The following FBRS variants were observed in gnomAD, a reference collection of about 807,000 sequenced individuals.
FBRS encodes the protein fibrosin, also known as probable fibrosin-1.
A neutral mutation model predicts 86.1 loss-of-function variants in FBRS; 15 were observed. The ratio of observed to expected loss-of-function variants is 0.17; its 90% CI spans 0.12 to 0.27. The LOEUF (loss-of-function observed/expected upper bound fraction) is 0.27. FBRS is among the 10% of genes least tolerant of loss of function. The pLI is 1.00. For synonymous variants in FBRS, 666 were observed against 575.8 expected (o/e 1.16, Z -2.24); for missense variants, 1,367 against 1,301.6 (o/e 1.05, Z -0.77).
chr16:30,659,153 CT>C lies in FBRS; in HGVS notation c.-364del, dbSNP rs1252898301. ...TGGCCCTTCCTCTTCCTCGGGGAGA[CT>C]TGCATCGACCCCTGGCAGGGGGTGG... On this transcript the variant is annotated 5_prime_UTR_variant, in exon 1 of 18. Transcript: ENST00000356166. The C allele has an allele frequency of 1.3e-5, 2 of 152,756 alleles. No homozygotes were observed. Among genetic ancestry groups the C allele is most frequent in the East Asian group, 3.8e-4 (2 of 5,216 alleles). 9.5% of individuals were successfully genotyped at this position (152,756 alleles called of 1,614,324 possible).
chr16:30,662,965 A>ACTTTTT, intron 6 of FBRS, 106 bp downstream of exon 6: 3 of 1,320,846 alleles, frequency 2.3e-6, no homozygotes, highest in Non-Finnish European at 2.9e-6. Context: ...GGATTCTGAG[A>ACTTTTT]CTGAAAAGTT....
intron 1 of FBRS, 29 bp from the exon 2 acceptor site, chr16:30,660,234 C>T: frequency 4.5e-6 from 6 of 1,335,200 alleles, no homozygotes; most frequent in South Asian, 2.1e-5. Context: ...CCTTTTCCAT[C>T]TATCTCAGCC....
Position 30,668,933 on chromosome 16 carries a change from C to A in FBRS, c.2320C>A (p.Pro774Thr), listed in dbSNP as rs770165391. The change falls in exon 17 of 18, where the codon CCT becomes ACT. Residue 774 changes from proline to threonine, a missense_variant. Coordinates refer to ENST00000356166, the MANE Select transcript of FBRS (RefSeq NM_001105079.3). ...GACTCCAGGCTCAGACAAGGAGCGG[C>A]CTGTGGAGCGGAGGGAGCCCTCCAT... ...ARTPGSDKERPVERREPSITK... is the reference protein window; with the variant it reads ...ARTPGSDKERTVERREPSITK... 6.3e-7 allele frequency: 1 copy of A among 1,590,546 alleles called. No individual in the cohort carries two copies. The highest frequency in any genetic ancestry group is 8.5e-7 in the Non-Finnish European group (1 of 1,171,148).
chr16:30,663,043 G>A (rs2052480244), intron 6 of FBRS, 184 bp downstream of exon 6: 1 of 1,134,426 alleles, frequency 8.8e-7, no homozygotes, highest in Non-Finnish European at 1.1e-6. Context: ...CCCATGCAGG[G>A]GAATCCAGGC....
intron 4 of FBRS, chr16:30,662,086 G>A (rs2075775893): frequency 9.7e-6 from 3 of 308,814 alleles, no homozygotes; most frequent in South Asian, 1.0e-4. Context: ...ACCAACGCTG[G>A]TGGACCAAAT....
At chr16:30,667,465 G>A in intron 14 of FBRS, 28 bp downstream of exon 14, 2 of 1,521,352 alleles carry the variant, frequency 1.3e-6, no homozygotes, top group East Asian at 2.5e-5. Flanking sequence ...CCTCGGGCCT[G>A]AGGTTCCCTG....
Position 30,665,279 on chromosome 16 carries a change from C to A in FBRS, c.1609-27C>A. ...ACTTGGGCTGCGCCTCCACCCCCAC[C>A]TGTACTAGTCCCCCTTCTCTCCACA... is the stretch of plus-strand genomic sequence containing the variant. On this transcript the variant is annotated intron_variant, in intron 9 of 17. Coordinates refer to ENST00000356166, the MANE Select transcript of FBRS (RefSeq NM_001105079.3). This position sits in a 1 kb window ranked among gnomAD's most constrained non-coding sequence, Gnocchi z 4.1. The A allele has an allele frequency of 6.4e-7, 1 of 1,551,414 alleles. No homozygotes were observed. Among genetic ancestry groups the A allele is most frequent in the Non-Finnish European group, 8.7e-7 (1 of 1,146,890 alleles).
rs1290991856 is a variant in FBRS at position 30,669,550 on chromosome 16, C to A, written c.2848C>A (p.Pro950Thr). 3.1e-6 allele frequency: 5 copies of A among 1,612,886 alleles called. No homozygotes were observed. The highest frequency in any genetic ancestry group is 1.1e-5 in the South Asian group (1 of 91,084). The change falls in exon 18 of 18, where the codon CCG becomes ACG. Residue 950 changes from proline to threonine, a missense_variant. Pro to Thr is a conservative substitution (Grantham distance 38). Around this residue, in one of 3 missense-constraint regions of FBRS, gnomAD observed 659 missense variants for 678.8 expected, o/e 0.97. Coordinates refer to ENST00000356166, the MANE Select transcript of FBRS (RefSeq NM_001105079.3). This position sits in a 1 kb window ranked among gnomAD's most constrained non-coding sequence, Gnocchi z 5.9. ...CCCTCACCTTCTCAGCAAGACCCCACCGGGAGCCCTTTTGGGGGCACCACC... is the reference window on the plus strand; with the variant it reads ...CCCTCACCTTCTCAGCAAGACCCCAACGGGAGCCCTTTTGGGGGCACCACC... The part of the protein sequence containing the change: ...GTPHLLSKTP[P>T]GALLGAPPPL...
rs2151273915 is a variant in FBRS, at chr16:30,669,307, G to C, written c.2605G>C (p.Gly869Arg). Residue 869 changes from glycine (G) to arginine (R), a missense_variant, in exon 18 of 18, where the codon GGC (glycine) becomes CGC (arginine). By Grantham distance (125) the Gly-to-Arg change is moderately radical. Around this residue, in one of 3 missense-constraint regions of FBRS, gnomAD observed 659 missense variants for 678.8 expected, o/e 0.97. Coordinates refer to ENST00000356166, the MANE Select transcript of FBRS (RefSeq NM_001105079.3). This position sits in a 1 kb window ranked among gnomAD's most constrained non-coding sequence, Gnocchi z 5.9. ...GAGGCCCCGGCCGCCCCCGTTTCTG[G>C]GCCCTAGCCCACCAGATCGCTGTGC... ...FERPRPPPFL[G>R]PSPPDRCAGF... 2 of 1,604,152 alleles carry C rather than the reference G, an allele frequency of 1.2e-6. No individual in the cohort carries two copies. The highest frequency in any genetic ancestry group is 2.2e-5 in the South Asian group (2 of 90,452).
chr16:30,659,926 C>A lies in FBRS; in HGVS notation c.408C>A (p.Asp136Glu). 1 of 1,551,730 alleles carries A rather than the reference C, an allele frequency of 6.4e-7. No homozygotes were observed. Among genetic ancestry groups the A allele is most frequent in the Non-Finnish European group, 8.7e-7 (1 of 1,147,956 alleles). ...AGGAGGAGGAAGAGGAGGAGGAGGACTTGATCGATGGCTTCGCCATCGCCA... is the reference window on the plus strand; with the variant it reads ...AGGAGGAGGAAGAGGAGGAGGAGGAATTGATCGATGGCTTCGCCATCGCCA... Reference protein sequence around the residue: ...EPEEEEEEEEDLIDGFAIASF... With the variant: ...EPEEEEEEEEELIDGFAIASF... Residue 136 changes from aspartate (D) to glutamate (E), a missense_variant, in exon 1 of 18, where the codon GAC becomes GAA. Transcript: ENST00000356166.
intron 17 of FBRS, 21 bp downstream of exon 17, chr16:30,669,000 G>GCCCCCCCCCCCCCCC: frequency 2.0e-6 from 1 of 506,738 alleles, no homozygotes; most frequent in Non-Finnish European, 2.8e-6. Context: ...CACCCACCCT[G>GCCCCCCCCCCCCCCC]CCCCTGCCCC....
rs2052566773 is a variant in FBRS at position 30,669,276 on chromosome 16, GT to G, written c.2577del (p.Phe859LeufsTer46). The G allele has an allele frequency of 1.3e-6, 2 of 1,569,334 alleles. No individual in the cohort carries two copies. The highest frequency in any genetic ancestry group is 2.7e-5 in the African/African-American group (2 of 73,594). On this transcript the variant is annotated frameshift_variant, in exon 18 of 18. Transcript: ENST00000356166. LOFTEE classifies it high-confidence loss of function. This position sits in a 1 kb window ranked among gnomAD's most constrained non-coding sequence, Gnocchi z 5.9. The part of the protein sequence containing the change: ...ATGPQGLHLL[F>X]ERPRPPPFLG... Reference sequence around the variant, plus strand: ...CTGGGCCCCAGGGCCTTCACCTGCTGTTTGAGAGGCCCCGGCCGCCCCCGTT... The same window carrying G: ...CTGGGCCCCAGGGCCTTCACCTGCTGTTGAGAGGCCCCGGCCGCCCCCGTT...
chr16:30,659,713 G>T lies in FBRS; in HGVS notation c.195G>T (p.Arg65Ser). The change falls in exon 1 of 18, where the codon AGG (arginine) becomes AGT (serine). Residue 65 changes from arginine (R) to serine (S), a missense_variant. Around this residue, in one of 3 missense-constraint regions of FBRS, gnomAD observed 702 missense variants for 598.7 expected, o/e 1.17. Transcript: ENST00000356166. The part of the protein sequence containing the change: ...SSSSSPPPPA[R>S]PWSSASSGER... ...CGTCGTCGCCGCCGCCGCCCGCCAG[G>T]CCTTGGTCGTCAGCTTCGTCTGGAG... is the stretch of plus-strand genomic sequence containing the variant. 2.7e-6 allele frequency: 3 copies of T among 1,110,470 alleles called. No homozygotes were observed. The highest frequency in any genetic ancestry group is 3.8e-6 in the Non-Finnish European group (3 of 790,896). The allele number at this position is 1,110,470 out of a possible 1,614,324, so 68.8% of individuals were successfully genotyped here.
At position 30,665,929 on chromosome 16, in the gene FBRS, T is replaced by C; in HGVS notation, c.1773+223T>C. Reference sequence around the variant, plus strand: ...AGAAATAGGATGATTAGGACAATGGTTTTTGTAGTGGTTTTCAAACTTTTT... The same window carrying C: ...AGAAATAGGATGATTAGGACAATGGCTTTTGTAGTGGTTTTCAAACTTTTT... On this transcript the variant is annotated intron_variant, in intron 11 of 17. Coordinates refer to ENST00000356166, the MANE Select transcript of FBRS (RefSeq NM_001105079.3). This position sits in a 1 kb window ranked among gnomAD's most constrained non-coding sequence, Gnocchi z 4.1. 1.9e-6 allele frequency: 1 copy of C among 514,982 alleles called. No individual in the cohort carries two copies. Among genetic ancestry groups the C allele is most frequent in the African/African-American group, 2.0e-5 (1 of 50,748 alleles). 31.9% of individuals were successfully genotyped at this position (514,982 alleles called of 1,614,324 possible).
chr16:30,663,413 C>T (rs2052483840), intron 6 of FBRS, among the ~76,000 whole-genome samples: 1 of 151,770 alleles, frequency 6.6e-6, no homozygotes, highest in African/African-American at 2.4e-5. Flanking sequence ...CGTGAGTAAA[C>T]TTTAAAAAAT....
chr16:30,670,077 G>T lies in FBRS; in HGVS notation c.*432G>T. ...GGGAGGAGGGGCTCAAGGAAGGGGG[G>T]TTCCATGTACATATTTATCACCCCT... is the stretch of plus-strand genomic sequence containing the variant. On this transcript the variant is annotated 3_prime_UTR_variant, in exon 18 of 18. Transcript: ENST00000356166. 1 of 481,238 alleles carries T rather than the reference G, an allele frequency of 2.1e-6. No homozygotes were observed. Among genetic ancestry groups the T allele is most frequent in the Non-Finnish European group, 4.1e-6 (1 of 243,586 alleles). 29.8% of individuals were successfully genotyped at this position (481,238 alleles called of 1,614,324 possible).
At position 30,665,122 on chromosome 16, in the gene FBRS, G is replaced by A; in HGVS notation, c.1608+43G>A. On this transcript the variant is annotated intron_variant, in intron 9 of 17. Coordinates refer to ENST00000356166, the MANE Select transcript of FBRS (RefSeq NM_001105079.3). The surrounding 1 kb of genome is among the most constrained non-coding windows in gnomAD (Gnocchi z 4.1). ...TGTGCGTATGGGGTGTGTGGTGTGGGCGTGGATGCATCCATGCTTGTGACC... is the reference window on the plus strand; with the variant it reads ...TGTGCGTATGGGGTGTGTGGTGTGGACGTGGATGCATCCATGCTTGTGACC... The A allele has an allele frequency of 1.3e-6, 2 of 1,599,700 alleles. No homozygotes were observed. The highest frequency in any genetic ancestry group is 1.7e-6 in the Non-Finnish European group (2 of 1,174,356).
chr16:30,659,859 A>AGGAGGG lies in FBRS; in HGVS notation c.344_349dup (p.Glu115_Gly116dup). 1.9e-6 allele frequency: 3 copies of AGGAGGG among 1,538,888 alleles called. No homozygotes were observed. Among genetic ancestry groups the AGGAGGG allele is most frequent in the Non-Finnish European group, 2.6e-6 (3 of 1,145,088 alleles). ...GGGGAGGAAGAGGAGGAGGAGGAGG[A>AGGAGGG]GGAGGGGGGCGCAGACGACGGCGAA... On this transcript the variant is annotated inframe_insertion, in exon 1 of 18. Coordinates refer to ENST00000356166, the MANE Select transcript of FBRS (RefSeq NM_001105079.3).
rs556133006 is a variant in FBRS, at chr16:30,662,109, G to A, written c.706-311G>A. On this transcript the variant is annotated intron_variant, in intron 4 of 17. Coordinates refer to ENST00000356166, the MANE Select transcript of FBRS (RefSeq NM_001105079.3). ...TGGTGGACCAAATAAATCTGTAAGC[G>A]AGGGAGGCCTGTGGGCCAGCAGCTA... 1.2e-5 allele frequency: 4 copies of A among 343,482 alleles called. No homozygotes were observed. The South Asian group carries it at 1.5e-4, about 13-fold the overall frequency. The allele number at this position is 343,482 out of a possible 1,614,324, so 21.3% of individuals were successfully genotyped here.
Sources: allele counts gnomAD v4.1 joint callset (sites outside exome capture counted in the v4.1 genomes callset), GRCh38; gene constraint gnomAD v4.1.1; regional missense constraint gnomAD v4.1.1; non-coding constraint Gnocchi (gnomAD v3.1); transcripts MANE v1.5; gene names NCBI Gene and HGNC (gene_info 2026-07-23, HGNC 2026-07-21).